Variants in PLAGL1 observed in about 807,000 individuals in gnomAD.
The protein encoded by PLAGL1 is zinc finger protein PLAGL1.
A neutral mutation model predicts 4.6 loss-of-function variants in PLAGL1; 1 was observed. That is an observed-to-expected ratio of 0.22 (90% CI 0.08 to 1.03). The LOEUF is 1.03. Among genes scored for constraint, PLAGL1 ranks in the 50% least tolerant of loss-of-function variants. PLAGL1 has a pLI of 0.58. For missense variants in PLAGL1, 464 were observed against 570.4 expected (o/e 0.81, Z 1.90); for synonymous variants, 240 against 237.8 (o/e 1.01, Z -0.08).
At chr6:144,019,714 G>A (rs1320379624) in intron 1 of PLAGL1, among the ~76,000 whole-genome samples, 2 of 151,774 alleles carry the variant, frequency 1.3e-5, no homozygotes, top group Non-Finnish European at 2.9e-5. Flanking sequence ...AATCTAAGTG[G>A]GGGGGTAGGG....
Position 144,015,461 on chromosome 6 carries a change from TAA to T in PLAGL1, c.-150-46485_-150-46484del, listed in dbSNP as rs1795503445. Among the ~76,000 whole-genome samples, 1 of 152,108 alleles carries T rather than the reference TAA, an allele frequency of 6.6e-6. No homozygotes were observed. The highest frequency in any genetic ancestry group is 2.1e-4 in the South Asian group (1 of 4,818). On this transcript the variant is annotated intron_variant, in intron 1 of 3. Transcript: ENST00000437412. This position sits in a 1 kb window ranked among gnomAD's most constrained non-coding sequence, Gnocchi z 4.3. ...TTTTACTAAAATAAAACCTGATCTT[TAA>T]AAGAGACCATTAAGGAAAAAAATCT...
intron 1 of PLAGL1, among the ~76,000 whole-genome samples, chr6:144,035,198 A>C (rs971445280): frequency 6.6e-6 from 1 of 152,216 alleles, no homozygotes. Flanking sequence ...ACACAATCAC[A>C]AGGTGAAGTC....
Position 143,942,044 on chromosome 6 carries a change from C to T in PLAGL1, c.772G>A (p.Ala258Thr). The T allele has an allele frequency of 1.9e-6, 3 of 1,607,598 alleles. No individual in the cohort carries two copies. The highest frequency in any genetic ancestry group is 1.3e-5 in the African/African-American group (1 of 74,808). Reference sequence around the variant, plus strand: ...CTGAGGGTGAGGCTATGGACCTCAGCTGGCAAGCTACTTGCAAGCCCGTTC... The same window carrying T: ...CTGAGGGTGAGGCTATGGACCTCAGTTGGCAAGCTACTTGCAAGCCCGTTC... ...AQNGLASSLP[A>T]EVHSLTLSPP... The change falls in exon 8 of 8, where the codon GCT (alanine) becomes ACT (threonine). Residue 258 changes from alanine (A) to threonine (T), a missense_variant. Physicochemically the swap from Ala to Thr is moderately conservative, Grantham distance 58. Coordinates refer to ENST00000674357, the MANE Select transcript of PLAGL1 (RefSeq NM_001317162.2). This position sits in a 1 kb window ranked among gnomAD's most constrained non-coding sequence, Gnocchi z 7.6.
At position 144,059,819 on chromosome 6, in the gene PLAGL1, C is replaced by A. The variant is rs1365803193; in HGVS notation, c.-151+4649G>T. On this transcript the variant is annotated intron_variant, in intron 1 of 3. Transcript: ENST00000437412. The surrounding 1 kb of genome is among the most constrained non-coding windows in gnomAD (Gnocchi z 4.9). Reference sequence around the variant, plus strand: ...CTTTAGTCTTTTGGGGTACCTAGGGCCTTTTTGAGAGATCAGCCTTGAGGT... The same window carrying A: ...CTTTAGTCTTTTGGGGTACCTAGGGACTTTTTGAGAGATCAGCCTTGAGGT... 1.3e-5 allele frequency among the ~76,000 whole-genome samples: 2 copies of A among 152,108 alleles called. No homozygotes were observed. The highest frequency in any genetic ancestry group is 2.9e-5 in the Non-Finnish European group (2 of 68,018).
Position 143,982,368 on chromosome 6 carries a change from A to T in PLAGL1, c.-544+2767T>A, listed in dbSNP as rs59834373. Among the ~76,000 whole-genome samples, 1,012 of 152,234 alleles carry T rather than the reference A, an allele frequency of 6.6e-3. 40 individuals carry two copies. The East Asian group carries it at 0.11, about 17-fold the overall frequency. ...TCGATGCAGAAACAAGAAAACTGGT[A>T]TGGCTAAAGCAGTCAGTGAAGGGAA... On this transcript the variant is annotated intron_variant, in intron 2 of 7. Transcript: ENST00000674357. The surrounding 1 kb of genome is among the most constrained non-coding windows in gnomAD (Gnocchi z 5.3).
chr6:143,942,607 G>A lies in PLAGL1; in HGVS notation c.209C>T (p.Thr70Met), dbSNP rs1249368135. ...KSHQCAHCEKTFNRKDHLKNH... is the reference protein window; with the variant it reads ...KSHQCAHCEKMFNRKDHLKNH... Reference sequence around the variant, plus strand: ...TTTCAGGTGGTCTTTCCGGTTGAACGTCTTCTCACAGTGAGCACACTGGTG... The same window carrying A: ...TTTCAGGTGGTCTTTCCGGTTGAACATCTTCTCACAGTGAGCACACTGGTG... The change falls in exon 8 of 8, where the codon ACG becomes ATG. Residue 70 changes from threonine to methionine, a missense_variant. Coordinates refer to ENST00000674357, the MANE Select transcript of PLAGL1 (RefSeq NM_001317162.2). This position sits in a 1 kb window ranked among gnomAD's most constrained non-coding sequence, Gnocchi z 7.6. 12 of 1,613,832 alleles carry A rather than the reference G, an allele frequency of 7.4e-6. No individual in the cohort carries two copies. Among genetic ancestry groups the A allele is most frequent in the East Asian group, 4.5e-5 (2 of 44,892 alleles).
rs1799608091 is a variant in PLAGL1 at position 144,063,682 on chromosome 6, C to T, written c.-151+786G>A. ...CAATAAAATGAACAGGTCCCGCGCTCCTAGACCCATGAACACTCGGGAAGC... is the reference window on the plus strand; with the variant it reads ...CAATAAAATGAACAGGTCCCGCGCTTCTAGACCCATGAACACTCGGGAAGC... On this transcript the variant is annotated intron_variant, in intron 1 of 3. Transcript: ENST00000437412. This position sits in a 1 kb window ranked among gnomAD's most constrained non-coding sequence, Gnocchi z 5.7. Among the ~76,000 whole-genome samples, 1 of 152,220 alleles carries T rather than the reference C, an allele frequency of 6.6e-6. No homozygotes were observed. The highest frequency in any genetic ancestry group is 2.1e-4 in the South Asian group (1 of 4,832).
At chr6:144,026,193 G>T (rs1386118441) in intron 1 of PLAGL1, among the ~76,000 whole-genome samples, 1 of 152,116 alleles carries the variant, frequency 6.6e-6, no homozygotes, top group Non-Finnish European at 1.5e-5. Flanking sequence ...GTGTGTCCTG[G>T]ATTATGATAT....
Position 143,954,000 on chromosome 6 carries a change from G to T in PLAGL1, c.-324-5540C>A, listed in dbSNP as rs1462442858. 1.3e-5 allele frequency among the ~76,000 whole-genome samples: 2 copies of T among 152,162 alleles called. No individual in the cohort carries two copies. Among genetic ancestry groups the T allele is most frequent in the Non-Finnish European group, 2.9e-5 (2 of 68,024 alleles). ...TCGCTATGGAGACTGTATGAAAGTG[G>T]GGGAGTAGCCTGACACAGGGTGAAT... is the stretch of plus-strand genomic sequence containing the variant. On this transcript the variant is annotated intron_variant, in intron 6 of 7. Coordinates refer to ENST00000674357, the MANE Select transcript of PLAGL1 (RefSeq NM_001317162.2). The surrounding 1 kb of genome is among the most constrained non-coding windows in gnomAD (Gnocchi z 5.3).
rs1448898676 is a variant in PLAGL1, at chr6:143,968,092, G to C, written c.-472+815C>G. 1 of 150,998 alleles carries C rather than the reference G, an allele frequency of 6.6e-6. No individual in the cohort carries two copies. The highest frequency in any genetic ancestry group is 2.4e-5 in the African/African-American group (1 of 41,034). The allele number at this position is 150,998 out of a possible 1,614,324, so 9.4% of individuals were successfully genotyped here. On this transcript the variant is annotated intron_variant, in intron 3 of 7. Coordinates refer to ENST00000674357, the MANE Select transcript of PLAGL1 (RefSeq NM_001317162.2). The surrounding 1 kb of genome is among the most constrained non-coding windows in gnomAD (Gnocchi z 6.3). ...TGCAAAAGAAGTGAGGGCTGCTTTA[G>C]GGTGACATGGCCTTGAACCTAGAAT... is the stretch of plus-strand genomic sequence containing the variant.
chr6:144,018,381 G>C (rs1368071636), intron 1 of PLAGL1, among the ~76,000 whole-genome samples: 1 of 152,190 alleles, frequency 6.6e-6, no homozygotes, highest in African/African-American at 2.4e-5. Flanking sequence ...GGCTGGCGGG[G>C]GTGAGAGGAT....
chr6:144,038,536 C>G (rs1434298488), intron 1 of PLAGL1, among the ~76,000 whole-genome samples: 3 of 151,884 alleles, frequency 2.0e-5, no homozygotes, highest in Non-Finnish European at 2.9e-5. Context: ...ATGTCTGTAC[C>G]CAGTAGATTT....
chr6:144,008,354 C>T (rs1001119952), upstream of PLAGL1: 3 of 152,004 alleles, frequency 2.0e-5, no homozygotes, highest in South Asian at 2.1e-4. The surrounding 1 kb of genome is among the most constrained non-coding windows in gnomAD (Gnocchi z 6.9). Flanking sequence ...TTGCCGCCCG[C>T]GGCAGCCAAG....
At chr6:144,003,479 C>A (rs890853370) in intron 1 of PLAGL1, among the ~76,000 whole-genome samples, 4 of 152,002 alleles carry the variant, frequency 2.6e-5, no homozygotes, top group Non-Finnish European at 5.9e-5. Flanking sequence ...AAAAAATTAT[C>A]CAGGCATAGT....
chr6:144,036,378 A>C lies in PLAGL1; in HGVS notation c.-151+28090T>G, dbSNP rs1330689604. Among the ~76,000 whole-genome samples, 1 of 152,184 alleles carries C rather than the reference A, an allele frequency of 6.6e-6. No individual in the cohort carries two copies. Among genetic ancestry groups the C allele is most frequent in the Non-Finnish European group, 1.5e-5 (1 of 68,032 alleles). On this transcript the variant is annotated intron_variant, in intron 1 of 3. Transcript: ENST00000437412. The surrounding 1 kb of genome is among the most constrained non-coding windows in gnomAD (Gnocchi z 5.1). ...AGTGTGCAATGCTTCAGTCTTAGTGACTGAAGACAGCCAGCCCACATGCCC... is the reference window on the plus strand; with the variant it reads ...AGTGTGCAATGCTTCAGTCTTAGTGCCTGAAGACAGCCAGCCCACATGCCC...
In PLAGL1 at chr6:143,948,095, G is replaced by A; in HGVS notation, c.42C>T (p.Leu14=). 1.2e-6 allele frequency: 2 copies of A among 1,613,956 alleles called. No homozygotes were observed. The highest frequency in any genetic ancestry group is 1.7e-6 in the Non-Finnish European group (2 of 1,179,868). The change falls in exon 7 of 8, where the codon CTC becomes CTT. Residue 14 remains leucine (L), a synonymous_variant. Coordinates refer to ENST00000674357, the MANE Select transcript of PLAGL1 (RefSeq NM_001317162.2). The surrounding 1 kb of genome is among the most constrained non-coding windows in gnomAD (Gnocchi z 6.0). ...FPCQLCGKTF[L]TLEKFTIHNY... Reference sequence around the variant, plus strand: ...TGTGAATCGTGAACTTCTCCAGGGTGAGGAACGTCTTGCCACATAACTGGC... The same window carrying A: ...TGTGAATCGTGAACTTCTCCAGGGTAAGGAACGTCTTGCCACATAACTGGC...
chr6:144,024,023 C>T (rs929593587), intron 1 of PLAGL1, among the ~76,000 whole-genome samples: 13 of 152,122 alleles, frequency 8.5e-5, no homozygotes, highest in African/African-American at 3.1e-4. Flanking sequence ...GCAATTGGCC[C>T]GCCTCACCCT....
intron 1 of PLAGL1, among the ~76,000 whole-genome samples, chr6:144,017,550 T>G (rs145411111): frequency 6.6e-6 from 1 of 152,244 alleles, no homozygotes; most frequent in Non-Finnish European, 1.5e-5. Flanking sequence ...AGTTTTTCCA[T>G]GTACTCATTA....
Position 143,957,459 on chromosome 6 carries a change from C to T in PLAGL1, c.-325+3010G>A, listed in dbSNP as rs1032461313. 4.6e-5 allele frequency among the ~76,000 whole-genome samples: 7 copies of T among 152,198 alleles called. No homozygotes were observed. The East Asian group carries it at 1.3e-3, about 29-fold the overall frequency. Reference sequence around the variant, plus strand: ...ACTCCCTAGAAACCCTTGAGTCTCGCCTTTAGGCCCTTTTAGGGTCTGCTT... The same window carrying T: ...ACTCCCTAGAAACCCTTGAGTCTCGTCTTTAGGCCCTTTTAGGGTCTGCTT... On this transcript the variant is annotated intron_variant, in intron 6 of 7. Transcript: ENST00000674357. The surrounding 1 kb of genome is among the most constrained non-coding windows in gnomAD (Gnocchi z 4.2).
Sources: gnomAD v4.1 joint callset for allele counts (sites outside exome capture counted in the v4.1 genomes callset) on GRCh38, gnomAD v4.1.1 for gene constraint, Gnocchi (gnomAD v3.1) non-coding constraint, MANE v1.5 for transcripts, NCBI Gene and HGNC (gene_info 2026-07-23, HGNC 2026-07-21) for gene names.